PBX1: variants seen among roughly 807,000 people sequenced by gnomAD.
PBX1 encodes pre-B-cell leukemia transcription factor 1.
A neutral mutation model predicts 53.4 loss-of-function variants in PBX1; 6 were observed. The observed-to-expected ratio is 0.11, with a 90% CI of 0.06 to 0.22. The LOEUF (loss-of-function observed/expected upper bound fraction) is 0.22. Ranked by LOEUF, PBX1 falls within the 10% of genes least tolerant of loss-of-function variation. The pLI is 1.00. For missense variants in PBX1, 251 were observed against 551.4 expected, an observed-to-expected ratio of 0.46 and a Z score of 5.46; for synonymous variants, 204 against 212.3, an observed-to-expected ratio of 0.96 and a Z score of 0.34.
At chr1:164,591,102 C>T (rs1275164346) in intron 2 of PBX1, among the ~76,000 whole-genome samples, 1 of 151,734 alleles carries the variant, frequency 6.6e-6, no homozygotes, top group Non-Finnish European at 1.5e-5. Context: ...TCCTCTGCCT[C>T]CCAGGTTCAA....
At chr1:164,880,082 C>A (rs1672610959) in intron 2 of PBX1, among the ~76,000 whole-genome samples, 1 of 152,162 alleles carries the variant, frequency 6.6e-6, no homozygotes, top group Admixed American at 6.5e-5. Flanking sequence ...AAGACATTTA[C>A]CTGAAAAGAA....
intron 2 of PBX1, among the ~76,000 whole-genome samples, chr1:164,708,941 C>T (rs1046825621): frequency 2.0e-5 from 3 of 152,176 alleles, no homozygotes; most frequent in African/African-American, 7.2e-5. Context: ...TGACTGTATG[C>T]CAGGTACCAT....
intron 2 of PBX1, chr1:164,641,481 C>T (rs922067681): frequency 1.3e-5 from 2 of 153,034 alleles, no homozygotes; most frequent in Non-Finnish European, 2.9e-5. Context: ...CTCATCTTCC[C>T]GTGCCCTAGT....
At chr1:164,568,958 C>G (rs1653635953) in intron 2 of PBX1, among the ~76,000 whole-genome samples, 1 of 152,234 alleles carries the variant, frequency 6.6e-6, no homozygotes. Context: ...CTCTTTCAAT[C>G]TCTCAATTAT....
In PBX1 at chr1:164,846,810, C is replaced by T; in HGVS notation, c.*134C>T. The T allele has an allele frequency of 6.6e-7, 1 of 1,515,788 alleles. No individual in the cohort carries two copies. The highest frequency in any genetic ancestry group is 8.8e-7 in the Non-Finnish European group (1 of 1,132,696). 93.9% of individuals were successfully genotyped at this position (1,515,788 alleles called of 1,614,324 possible). On this transcript the variant is annotated 3_prime_UTR_variant, in exon 9 of 9. Transcript: ENST00000420696. ...CAGCAAACACAATAAGAGTCTCCTT[C>T]TCTTCTCTTCTTTGGGATGCTATTT...
intron 2 of PBX1, among the ~76,000 whole-genome samples, chr1:164,613,906 T>C (rs1657101512): frequency 6.6e-6 from 1 of 151,976 alleles, no homozygotes; most frequent in South Asian, 2.1e-4. Flanking sequence ...GAACCTACAG[T>C]GGAGATCCCA....
At chr1:164,695,624 G>A (rs1662760798) in intron 2 of PBX1, among the ~76,000 whole-genome samples, 1 of 152,192 alleles carries the variant, frequency 6.6e-6, no homozygotes, top group Non-Finnish European at 1.5e-5. Flanking sequence ...ATTACATGGT[G>A]TTTTTAGCAT....
chr1:164,813,965 T>G (rs1010110655), intron 6 of PBX1: 2 of 152,228 alleles, frequency 1.3e-5, no homozygotes, highest in African/African-American at 4.8e-5. Context: ...AAGTAAATTA[T>G]TATGGAAAAT....
chr1:164,750,199 T>A (rs1666126636), intron 2 of PBX1, among the ~76,000 whole-genome samples: 1 of 149,184 alleles, frequency 6.7e-6, no homozygotes, highest in South Asian at 2.2e-4. Flanking sequence ...CACATGTGCA[T>A]TCCCTGAATG....
At chr1:164,603,962 T>TTTTTTTTTTTTC (rs1557885908) in intron 2 of PBX1, among the ~76,000 whole-genome samples, 1 of 127,038 alleles carries the variant, frequency 7.9e-6, no homozygotes, top group Non-Finnish European at 1.7e-5. Flanking sequence ...TTTTTTTTTT[T>TTTTTTTTTTTTC]AGAGATGAGT....
At position 164,770,875 on chromosome 1, in the gene PBX1, A is replaced by G. The variant is rs997902383; in HGVS notation, c.266-21619A>G. 4.6e-5 allele frequency: 7 copies of G among 152,282 alleles called. No individual in the cohort carries two copies. In the East Asian group the frequency reaches 1.4e-3, roughly 29 times the overall value. 9.4% of individuals were successfully genotyped at this position (152,282 alleles called of 1,614,324 possible). On this transcript the variant is annotated intron_variant, in intron 2 of 8. Coordinates refer to ENST00000420696, the MANE Select transcript of PBX1 (RefSeq NM_002585.4). ...GTCAGTAAAAGATGCATTCATTCCA[A>G]AGACTGCTGCTTGTCCTGTGTTGGG...
At chr1:164,644,219 T>C (rs1373836221) in intron 2 of PBX1, among the ~76,000 whole-genome samples, 1 of 152,216 alleles carries the variant, frequency 6.6e-6, no homozygotes, top group Admixed American at 6.5e-5. Flanking sequence ...TTTACTTGTC[T>C]TTACAAGTTA....
chr1:164,652,991 T>C lies in PBX1; in HGVS notation c.265+89680T>C, dbSNP rs77094946. Among the ~76,000 whole-genome samples the C allele has an allele frequency of 4.6e-5, 7 of 151,938 alleles. No homozygotes were observed. In the East Asian group the frequency reaches 7.8e-4, roughly 17 times the overall value. On this transcript the variant is annotated intron_variant, in intron 2 of 8. Coordinates refer to ENST00000420696, the MANE Select transcript of PBX1 (RefSeq NM_002585.4). ...TTCAAGTAGTTCTGCCTCAGCCTCC[T>C]GAGTAGCTGAGATTACAGGTGTGCG...
chr1:164,823,976 G>A (rs1241159120), intron 8 of PBX1, among the ~76,000 whole-genome samples: 1 of 152,098 alleles, frequency 6.6e-6, no homozygotes. Flanking sequence ...TGTGTATAGA[G>A]CAGGACAATG....
At chr1:164,793,872 C>CTTTTTTTTTTTTTTTTTTTTTTTTTTT (rs72414989) in intron 3 of PBX1, among the ~76,000 whole-genome samples, 11 of 78,216 alleles carry the variant, frequency 1.4e-4, no homozygotes, top group Non-Finnish European at 1.7e-4. Flanking sequence ...TTTTTCCTTT[C>CTTTTTTTTTTTTTTTTTTTTTTTTTTT]TTTTTTTTTT....
chr1:164,560,065 T>C (rs1009415766), intron 1 of PBX1, 52 bp downstream of exon 1: 1 of 1,241,390 alleles, frequency 8.1e-7, no homozygotes, highest in Middle Eastern at 2.0e-4. Flanking sequence ...TTTTTCTTCC[T>C]CTTGCAGGGG....
At chr1:164,567,479 A>G (rs1035211390) in intron 2 of PBX1, among the ~76,000 whole-genome samples, 1 of 152,034 alleles carries the variant, frequency 6.6e-6, no homozygotes, top group African/African-American at 2.4e-5. Context: ...CAGAGGAAAG[A>G]AAAGGGGATC....
chr1:164,627,257 G>A (rs1177814611), intron 2 of PBX1, among the ~76,000 whole-genome samples: 1 of 152,044 alleles, frequency 6.6e-6, no homozygotes, highest in Non-Finnish European at 1.5e-5. Flanking sequence ...GGAAGCATAA[G>A]TTACAGTCCC....
At chr1:164,861,108 A>G (rs1378032622) in intron 2 of PBX1, among the ~76,000 whole-genome samples, 1 of 151,940 alleles carries the variant, frequency 6.6e-6, no homozygotes, top group Non-Finnish European at 1.5e-5. Flanking sequence ...AGAGGAAGGA[A>G]AAGAGGGAGA....
Sources: allele counts gnomAD v4.1 joint callset (sites outside exome capture counted in the v4.1 genomes callset), GRCh38; gene constraint gnomAD v4.1.1; transcripts MANE v1.5; gene names NCBI Gene and HGNC (gene_info 2026-07-23, HGNC 2026-07-21).